VPS13C: variants seen among roughly 807,000 people sequenced by gnomAD.
VPS13C encodes the protein intermembrane lipid transfer protein VPS13C.
VPS13C carries 358 observed loss-of-function variants against 456.8 expected under a neutral mutation model. The ratio of observed to expected loss-of-function variants is 0.78; its 90% CI spans 0.72 to 0.86. The LOEUF (loss-of-function observed/expected upper bound fraction) is 0.86, where lower values mean the gene tolerates loss of function less well. VPS13C is among the 40% of genes least tolerant of loss of function. VPS13C has a pLI of 0.00. For missense variants in VPS13C, 4,818 were observed against 4,385.4 expected (o/e 1.10, Z -2.79); for synonymous variants, 1,578 against 1,486.7 (o/e 1.06, Z -1.41).
chr15:62,049,036 T>C (rs1466624266), intron 1 of VPS13C, among the ~76,000 whole-genome samples: 8 of 151,170 alleles, frequency 5.3e-5, no homozygotes, highest in Admixed American at 3.9e-4. Flanking sequence ...GCGAAAATTT[T>C]CTCCCATTTT....
At chr15:62,007,910 T>C (rs1217227281) in intron 14 of VPS13C, among the ~76,000 whole-genome samples, 1 of 151,994 alleles carries the variant, frequency 6.6e-6, no homozygotes, top group South Asian at 2.1e-4. Flanking sequence ...TTTGAGACCA[T>C]CCTGGCCAAC....
At chr15:62,018,979 T>C (rs2047360096) in intron 9 of VPS13C, among the ~76,000 whole-genome samples, 1 of 152,226 alleles carries the variant, frequency 6.6e-6, no homozygotes, top group Non-Finnish European at 1.5e-5. Context: ...GTTATTGATC[T>C]ATTCAGAGAT....
chr15:62,018,530 A>G (rs1379321412), intron 9 of VPS13C, among the ~76,000 whole-genome samples: 1 of 151,862 alleles, frequency 6.6e-6, no homozygotes, highest in Non-Finnish European at 1.5e-5. Context: ...CCTTTTCTGC[A>G]TCTATTGAGA....
At chr15:61,925,027 A>G (rs1434675343) in intron 53 of VPS13C, among the ~76,000 whole-genome samples, 1 of 152,220 alleles carries the variant, frequency 6.6e-6, no homozygotes, top group Non-Finnish European at 1.5e-5. Context: ...GTCATTATAA[A>G]TATTTGAAGC....
chr15:61,961,625 C>A lies in VPS13C; in HGVS notation c.3872G>T (p.Arg1291Ile), dbSNP rs779684353. 17 of 1,610,560 alleles carry A rather than the reference C, an allele frequency of 1.1e-5. No individual in the cohort carries two copies. Among genetic ancestry groups the A allele is most frequent in the Non-Finnish European group, 1.4e-5 (17 of 1,178,164 alleles). Residue 1291 changes from arginine (R) to isoleucine (I), a missense_variant, in exon 35 of 85, where the codon AGA becomes ATA. Physicochemically the swap from Arg to Ile is moderately conservative, Grantham distance 97. Transcript: ENST00000644861. ...EDYLNPPVIDRMDVQLTKLTL... is the reference protein window; with the variant it reads ...EDYLNPPVIDIMDVQLTKLTL... ...AAGCTTTGTTAGCTGCACATCCATT[C>A]TATCAATTACTGGAGGATTTAAGTA...
intron 1 of VPS13C, among the ~76,000 whole-genome samples, chr15:62,048,797 T>C (rs1458308328): frequency 6.6e-6 from 1 of 152,216 alleles, no homozygotes; most frequent in Non-Finnish European, 1.5e-5. Context: ...ATCGCCATTC[T>C]AACTGGTGTG....
rs143938838 is a variant in VPS13C, at chr15:61,859,944, G to T, written c.10952+3496C>A. ...GTAAAGCTATAGCCTAAGAAACTTA[G>T]GTCTTGAGAACTTGTGTTTTGATTT... On this transcript the variant is annotated intron_variant, in intron 82 of 84. Transcript: ENST00000644861. 3.8e-3 allele frequency among the ~76,000 whole-genome samples: 583 copies of T among 151,832 alleles called. 4 individuals carry two copies. The highest frequency in any genetic ancestry group is 0.013 in the African/African-American group (549 of 41,418).
At chr15:61,989,565 G>GA (rs1256632460) in intron 18 of VPS13C, among the ~76,000 whole-genome samples, 2 of 151,462 alleles carry the variant, frequency 1.3e-5, no homozygotes, top group Non-Finnish European at 2.9e-5. Context: ...AAACCAATAA[G>GA]AAAAAAAGAC....
chr15:62,005,194 T>A (rs2046788105), intron 15 of VPS13C, among the ~76,000 whole-genome samples: 1 of 152,230 alleles, frequency 6.6e-6, no homozygotes, highest in African/African-American at 2.4e-5. Flanking sequence ...GCTTTATGAA[T>A]CTGGGTGCTC....
chr15:61,858,471 C>T lies in VPS13C; in HGVS notation c.10953-2062G>A, dbSNP rs1370697444. Among the ~76,000 whole-genome samples, 2 of 152,154 alleles carry T rather than the reference C, an allele frequency of 1.3e-5. No individual in the cohort carries two copies. Among genetic ancestry groups the T allele is most frequent in the Non-Finnish European group, 1.5e-5 (1 of 68,036 alleles). On this transcript the variant is annotated intron_variant, in intron 82 of 84. Transcript: ENST00000644861. This position sits in a 1 kb window ranked among gnomAD's most constrained non-coding sequence, Gnocchi z 4.4. ...AAATCCTCATTCTTTAGGCCCTCCC[C>T]ACTTCCTACCATGATAGCTGCCACA...
chr15:61,884,307 G>A (rs1896105647), intron 67 of VPS13C, 38 bp from the exon 68 acceptor site: 1 of 1,592,462 alleles, frequency 6.3e-7, no homozygotes, highest in Non-Finnish European at 8.5e-7. Flanking sequence ...TTAGCAATAT[G>A]TATTTAGGTC....
intron 37 of VPS13C, among the ~76,000 whole-genome samples, chr15:61,957,394 A>G (rs1056246155): frequency 6.6e-6 from 1 of 152,142 alleles, no homozygotes; most frequent in Non-Finnish European, 1.5e-5. Flanking sequence ...TGGTGTATCC[A>G]TATATGCAAA....
chr15:61,857,745 C>T (rs770555279), intron 82 of VPS13C, among the ~76,000 whole-genome samples: 7 of 152,072 alleles, frequency 4.6e-5, no homozygotes, highest in Non-Finnish European at 8.8e-5. Flanking sequence ...AATCAGGAGA[C>T]AATGGAAGCC....
At chr15:62,014,955 C>A (rs994346807) in intron 9 of VPS13C, among the ~76,000 whole-genome samples, 3 of 152,082 alleles carry the variant, frequency 2.0e-5, no homozygotes. Context: ...GTAATACAGA[C>A]AACTAAAGCA....
Position 61,867,423 on chromosome 15 carries a change from G to A in VPS13C, c.10863+1236C>T. 2.0e-6 allele frequency: 2 copies of A among 986,410 alleles called. No homozygotes were observed. Among genetic ancestry groups the A allele is most frequent in the Non-Finnish European group, 2.4e-6 (2 of 830,714 alleles). The allele number at this position is 986,410 out of a possible 1,614,324, so 61.1% of individuals were successfully genotyped here. A position where few individuals can be genotyped will look rare whatever the true frequency, so the allele number is the denominator to read the frequency against. ...GTCTAAGGGCAGGCTCAGAGCAACT[G>A]ACAATTCAATTATTAAAGCAGATGC... On this transcript the variant is annotated intron_variant, in intron 81 of 84. Coordinates refer to ENST00000644861, the MANE Select transcript of VPS13C (RefSeq NM_020821.3). The surrounding 1 kb of genome is among the most constrained non-coding windows in gnomAD (Gnocchi z 5.0).
Position 61,969,415 on chromosome 15 carries a change from T to A in VPS13C, c.2795A>T (p.Asp932Val), listed in dbSNP as rs765014404. ...LEFTKQQKEEDTILVFNVTQL... is the reference protein window; with the variant it reads ...LEFTKQQKEEVTILVFNVTQL... ...AGTAACATTAAATACTAGAATTGTA[T>A]CTTCTTCTTTCTGCTGTTTAGTAAA... Residue 932 changes from aspartate to valine, a missense_variant, in exon 28 of 85, where the codon GAT becomes GTT. Physicochemically the swap from Asp to Val is radical, Grantham distance 152. Transcript: ENST00000644861. 6.4e-7 allele frequency: 1 copy of A among 1,569,664 alleles called. No homozygotes were observed. The highest frequency in any genetic ancestry group is 8.6e-7 in the Non-Finnish European group (1 of 1,156,406).
intron 16 of VPS13C, among the ~76,000 whole-genome samples, chr15:61,992,551 A>G (rs1488169767): frequency 6.6e-6 from 1 of 152,196 alleles, no homozygotes; most frequent in East Asian, 1.9e-4. Context: ...AATACAAAAG[A>G]GAAGATAAAA....
intron 13 of VPS13C, 44 bp from the exon 14 acceptor site, chr15:62,008,805 T>TA (rs756802652): frequency 7.2e-5 from 84 of 1,169,222 alleles, no homozygotes; most frequent in Middle Eastern, 3.0e-4. Flanking sequence ...ACTGTATATA[T>TA]AAAAAAAAGA....
chr15:62,014,172 G>A (rs993064612), intron 9 of VPS13C, among the ~76,000 whole-genome samples, 180 bp from the exon 10 acceptor site: 5 of 150,008 alleles, frequency 3.3e-5, no homozygotes, highest in Non-Finnish European at 7.4e-5. Context: ...ACAATGAAAA[G>A]AGAATTGACA....
Sources: gnomAD v4.1 joint callset for allele counts (sites outside exome capture counted in the v4.1 genomes callset) on GRCh38, gnomAD v4.1.1 for gene constraint, Gnocchi (gnomAD v3.1) non-coding constraint, MANE v1.5 for transcripts, NCBI Gene and HGNC (gene_info 2026-07-23, HGNC 2026-07-21) for gene names.